LMNA: variants seen among roughly 807,000 people sequenced by gnomAD.
The protein encoded by LMNA is lamin A/C.
LMNA carries 20 observed loss-of-function variants against 70.4 expected under a neutral mutation model. The observed-to-expected ratio is 0.28, with a 90% CI of 0.20 to 0.41. LMNA has a LOEUF of 0.41. Ranked by LOEUF, LMNA falls within the 10% of genes least tolerant of loss-of-function variation. LMNA has a pLI of 1.00. For synonymous variants in LMNA, 339 were observed against 372.8 expected, an observed-to-expected ratio of 0.91 and a Z score of 1.04; for missense variants, 652 against 917.2, an observed-to-expected ratio of 0.71 and a Z score of 3.73.
intron 2 of LMNA, among the ~76,000 whole-genome samples, chr1:156,089,408 G>C (rs1558105978): frequency 6.6e-6 from 1 of 151,688 alleles, no homozygotes; most frequent in Non-Finnish European, 1.5e-5. Context: ...CGATTCTCCT[G>C]CCTCAGCCTC....
chr1:156,084,335 T>TG (rs1491154815), intron 2 of LMNA, among the ~76,000 whole-genome samples: 1 of 91,638 alleles, frequency 1.1e-5, no homozygotes, highest in Non-Finnish European at 2.4e-5. Context: ...GGTCGGGGGG[T>TG]GGTGGGGGCA....
At chr1:156,126,225 T>C in intron 1 of LMNA, 1 of 1,520,854 alleles carries the variant, frequency 6.6e-7, no homozygotes, top group Non-Finnish European at 8.8e-7. Context: ...TGAGGGCTGG[T>C]GAGCAGGGCT....
chr1:156,120,724 A>G (rs1371737997), intron 1 of LMNA, among the ~76,000 whole-genome samples: 1 of 147,132 alleles, frequency 6.8e-6, no homozygotes, highest in Non-Finnish European at 1.5e-5. Flanking sequence ...AAAAGAAAAA[A>G]ACAAAACAAA....
chr1:156,131,211 C>T (rs1651034386), intron 2 of LMNA, among the ~76,000 whole-genome samples: 1 of 151,986 alleles, frequency 6.6e-6, no homozygotes, highest in South Asian at 2.1e-4. Context: ...GCAGAGCTTG[C>T]AGTGAGCTGA....
Position 156,137,305 on chromosome 1 carries a change from C to T in LMNA, c.1608+73C>T. On this transcript the variant is annotated intron_variant, in intron 9 of 11. Transcript: ENST00000368300. This position sits in a 1 kb window ranked among gnomAD's most constrained non-coding sequence, Gnocchi z 4.6. Reference sequence around the variant, plus strand: ...TGGCCAACATCGGAGCCAGCTGCCCCCAACCCAAGTTTGCCAATTCAGGGC... The same window carrying T: ...TGGCCAACATCGGAGCCAGCTGCCCTCAACCCAAGTTTGCCAATTCAGGGC... The T allele has an allele frequency of 6.5e-7, 1 of 1,532,986 alleles. No homozygotes were observed. The highest frequency in any genetic ancestry group is 8.7e-7 in the Non-Finnish European group (1 of 1,144,578). 95.0% of individuals were successfully genotyped at this position (1,532,986 alleles called of 1,614,324 possible).
In LMNA at chr1:156,136,453, G is replaced by T; in HGVS notation, c.1380+17G>T. On this transcript the variant is annotated intron_variant, in intron 7 of 11. Coordinates refer to ENST00000368300, the MANE Select transcript of LMNA (RefSeq NM_170707.4). This position sits in a 1 kb window ranked among gnomAD's most constrained non-coding sequence, Gnocchi z 6.1. ...TCCAATGAGGTAGGCTCCTGCTCAG[G>T]GTCTAAGGGGATACAGCTGCATCAG... 1 of 1,553,580 alleles carries T rather than the reference G, an allele frequency of 6.4e-7. No individual in the cohort carries two copies. The highest frequency in any genetic ancestry group is 8.7e-7 in the Non-Finnish European group (1 of 1,148,398).
chr1:156,115,383 T>G lies in LMNA; in HGVS notation c.356+109T>G. ...GTGAGAGGGCCTGGAGGCCGATAAC[T>G]TTGCCATAGTCTCCTCCCTCCCCGG... On this transcript the variant is annotated intron_variant, in intron 1 of 11. Transcript: ENST00000368300. This position sits in a 1 kb window ranked among gnomAD's most constrained non-coding sequence, Gnocchi z 5.8. The G allele has an allele frequency of 1.0e-6, 1 of 987,684 alleles. No homozygotes were observed. The highest frequency in any genetic ancestry group is 1.5e-6 in the Non-Finnish European group (1 of 648,794). The allele number at this position is 987,684 out of a possible 1,614,324, so 61.2% of individuals were successfully genotyped here. A position where few individuals can be genotyped will look rare whatever the true frequency, so the allele number is the denominator to read the frequency against.
chr1:156,114,742 C>G lies in LMNA; in HGVS notation c.-177C>G. The G allele has an allele frequency of 1.7e-6, 1 of 584,774 alleles. No homozygotes were observed. The highest frequency in any genetic ancestry group is 3.0e-6 in the Non-Finnish European group (1 of 336,026). The allele number at this position is 584,774 out of a possible 1,614,324, so 36.2% of individuals were successfully genotyped here. A position where few individuals can be genotyped will look rare whatever the true frequency, so the allele number is the denominator to read the frequency against. On this transcript the variant is annotated 5_prime_UTR_variant, in exon 1 of 12. Transcript: ENST00000368300. The stretch of plus-strand genomic sequence containing the variant: ...CGCGGGAGCGCCGCACCTACACCAG[C>G]CAACCCAGATCCCGAGGTCCGACAG...
Position 156,134,393 on chromosome 1 carries a change from T to C in LMNA, c.514-10T>C, listed in dbSNP as rs777032438. 4 of 1,614,002 alleles carry C rather than the reference T, an allele frequency of 2.5e-6. No individual in the cohort carries two copies. In the South Asian group the frequency reaches 4.4e-5, roughly 18 times the overall value. Reference sequence around the variant, plus strand: ...ACCCCTTTTCCTCATCTCTGCCTGCTTCCTCACAGCTTGAGGCAGCCCTAG... The same window carrying C: ...ACCCCTTTTCCTCATCTCTGCCTGCCTCCTCACAGCTTGAGGCAGCCCTAG... On this transcript the variant is annotated splice_polypyrimidine_tract_variant and intron_variant, in intron 2 of 11. Transcript: ENST00000368300. This position sits in a 1 kb window ranked among gnomAD's most constrained non-coding sequence, Gnocchi z 5.3.
rs1305572979 is a variant in LMNA at position 156,136,523 on chromosome 1, A to G, written c.1380+87A>G. On this transcript the variant is annotated intron_variant, in intron 7 of 11. Transcript: ENST00000368300. This position sits in a 1 kb window ranked among gnomAD's most constrained non-coding sequence, Gnocchi z 6.1. Reference sequence around the variant, plus strand: ...AAGGATGGCATGTGGAGAGAGGAACATCCTTGCCCTCAGAGGGTGGACCAG... The same window carrying G: ...AAGGATGGCATGTGGAGAGAGGAACGTCCTTGCCCTCAGAGGGTGGACCAG... The G allele has an allele frequency of 1.5e-6, 2 of 1,351,586 alleles. No individual in the cohort carries two copies. The highest frequency in any genetic ancestry group is 2.0e-6 in the Non-Finnish European group (2 of 977,536). The allele number at this position is 1,351,586 out of a possible 1,614,324, so 83.7% of individuals were successfully genotyped here. A position where few individuals can be genotyped will look rare whatever the true frequency, so the allele number is the denominator to read the frequency against.
rs768678385 is a variant in LMNA, at chr1:156,115,175, G to A, written c.257G>A (p.Gly86Glu). 2 of 1,612,678 alleles carry A rather than the reference G, an allele frequency of 1.2e-6. No individual in the cohort carries two copies. Among genetic ancestry groups the A allele is most frequent in the Non-Finnish European group, 1.7e-6 (2 of 1,179,600 alleles). Reference protein sequence around the residue: ...GIKAAYEAELGDARKTLDSVA... With the variant: ...GIKAAYEAELEDARKTLDSVA... ...AAGGCCGCCTACGAGGCCGAGCTCGGGGATGCCCGCAAGACCCTTGACTCA... is the reference window on the plus strand; with the variant it reads ...AAGGCCGCCTACGAGGCCGAGCTCGAGGATGCCCGCAAGACCCTTGACTCA... Residue 86 changes from glycine to glutamate, a missense_variant, in exon 1 of 12, where the codon GGG becomes GAG. Physicochemically the swap from Gly to Glu is moderately conservative, Grantham distance 98. This residue lies in a region of LMNA where 254 missense variants were observed against 421.9 expected (regional missense o/e 0.60). Coordinates refer to ENST00000368300, the MANE Select transcript of LMNA (RefSeq NM_170707.4). This position sits in a 1 kb window ranked among gnomAD's most constrained non-coding sequence, Gnocchi z 5.8.
intron 3 of LMNA, among the ~76,000 whole-genome samples, chr1:156,092,673 C>A (rs1485334554): frequency 1.3e-5 from 2 of 149,046 alleles, no homozygotes; most frequent in Non-Finnish European, 3.0e-5. Context: ...GAGCGAGACT[C>A]CATCTCAAAA....
At chr1:156,130,359 C>G (rs771201215) in intron 1 of LMNA, among the ~76,000 whole-genome samples, 3 of 152,026 alleles carry the variant, frequency 2.0e-5, no homozygotes, top group Non-Finnish European at 4.4e-5. Context: ...AGAGCTCTGC[C>G]CTTGGCCCCA....
At chr1:156,104,834 G>A (rs1460182206) in intron 3 of LMNA, among the ~76,000 whole-genome samples, 1 of 152,168 alleles carries the variant, frequency 6.6e-6, no homozygotes, top group African/African-American at 2.4e-5. Context: ...GGGCATATGG[G>A]AATGTTTTGC....
intron 1 of LMNA, chr1:156,126,355 AG>A: frequency 1.3e-6 from 1 of 773,440 alleles, no homozygotes; most frequent in Non-Finnish European, 2.0e-6. Context: ...CTTCTCCCCC[AG>A]ATTGGGAGAG....
At chr1:156,108,964 C>G (rs72708262) in intron 3 of LMNA, among the ~76,000 whole-genome samples, 1 of 152,118 alleles carries the variant, frequency 6.6e-6, no homozygotes, top group Non-Finnish European at 1.5e-5. Flanking sequence ...GTACAAAGAA[C>G]CTTCTCTGAC....
intron 3 of LMNA, among the ~76,000 whole-genome samples, chr1:156,104,983 G>C (rs1649276522): frequency 1.3e-5 from 2 of 152,208 alleles, no homozygotes; most frequent in African/African-American, 4.8e-5. Context: ...TGGGTAGCCT[G>C]AGCGGGCCAG....
intron 3 of LMNA, among the ~76,000 whole-genome samples, chr1:156,097,256 G>A (rs535532179): frequency 1.0e-3 from 155 of 152,296 alleles, no homozygotes; most frequent in African/African-American, 3.5e-3. Context: ...CCCAGGGCCC[G>A]CAAGCAGTGA....
upstream of LMNA, among the ~76,000 whole-genome samples, chr1:156,112,637 G>A (rs1265925690): frequency 6.6e-6 from 1 of 152,196 alleles, no homozygotes; most frequent in African/African-American, 2.4e-5. Context: ...CCACGCCCTG[G>A]GGGAGAGAAG....
Sources: allele counts gnomAD v4.1 joint callset (sites outside exome capture counted in the v4.1 genomes callset), GRCh38; gene constraint gnomAD v4.1.1; regional missense constraint gnomAD v4.1.1; non-coding constraint Gnocchi (gnomAD v3.1); transcripts MANE v1.5; gene names NCBI Gene and HGNC (gene_info 2026-07-23, HGNC 2026-07-21).